Variants in RBFOX1 observed in about 807,000 individuals in gnomAD.
RBFOX1 encodes the protein RNA binding fox-1 homolog 1.
In RBFOX1, 8 loss-of-function variants were observed where a neutral mutation model predicts 57.7. The ratio of observed to expected loss-of-function variants is 0.14; its 90% CI spans 0.08 to 0.25. The LOEUF is 0.25. RBFOX1 is among the 10% of genes least tolerant of loss of function. The probability of loss-of-function intolerance (pLI) is 1.00; values close to 1 mark genes in which losing one functional copy is unlikely to be tolerated. For synonymous variants in RBFOX1, 326 were observed against 222.4 expected, an observed-to-expected ratio of 1.47 and a Z score of -4.15; for missense variants, 611 against 548.5, an observed-to-expected ratio of 1.11 and a Z score of -1.14.
At chr16:7,042,866 C>T (rs943971063) in intron 3 of RBFOX1, among the ~76,000 whole-genome samples, 4 of 152,134 alleles carry the variant, frequency 2.6e-5, no homozygotes, top group African/African-American at 7.2e-5. Flanking sequence ...GTGGAGGTTT[C>T]AGTGAGCTGA....
intron 2 of RBFOX1, among the ~76,000 whole-genome samples, chr16:5,496,228 G>A (rs1428200893): frequency 2.0e-5 from 3 of 152,286 alleles, no homozygotes; most frequent in African/African-American, 4.8e-5. Context: ...TTTCTTGAGT[G>A]CATACTATTC....
At chr16:5,603,751 G>A (rs546318087), downstream of RBFOX1, among the ~76,000 whole-genome samples, 181 of 152,312 alleles carry the variant, frequency 1.2e-3, 1 homozygote, top group Non-Finnish European at 1.9e-3. Context: ...GCAGTCATCT[G>A]TGATCATGTG....
At chr16:7,226,022 C>G (rs1346550604) in intron 4 of RBFOX1, among the ~76,000 whole-genome samples, 1 of 151,816 alleles carries the variant, frequency 6.6e-6, no homozygotes, top group African/African-American at 2.4e-5. Context: ...TCTGTACACT[C>G]TGCTTTTCTT....
rs530295180 is a variant in RBFOX1, at chr16:6,292,400, G to T, written c.-126-24595G>T. On this transcript the variant is annotated intron_variant, in intron 1 of 15. Transcript: ENST00000550418. ...TTTTTTTTTTAAGAAAAACCTAATT[G>T]CATGTGAATTTTTCTCAGACAAAAG... Among the ~76,000 whole-genome samples the T allele has an allele frequency of 1.3e-5, 2 of 149,314 alleles. 1 individual carries two copies. Among genetic ancestry groups the T allele is most frequent in the South Asian group, 4.2e-4 (2 of 4,726 alleles).
rs1008460922 is a variant in RBFOX1, at chr16:5,946,005, C to A, written c.351+78670C>A. On this transcript the variant is annotated intron_variant, in intron 4 of 19. Coordinates refer to the RBFOX1 transcript ENST00000641259. This position sits in a 1 kb window ranked among gnomAD's most constrained non-coding sequence, Gnocchi z 4.6. ...GGGAATGGAACATCCACACCGGCGT[C>A]CACATTGGGTTTAAAAAGAGAAAAG... Among the ~76,000 whole-genome samples the A allele has an allele frequency of 6.6e-6, 1 of 152,176 alleles. No homozygotes were observed. The highest frequency in any genetic ancestry group is 2.4e-5 in the African/African-American group (1 of 41,428).
chr16:6,800,894 T>C (rs549853576), intron 3 of RBFOX1, among the ~76,000 whole-genome samples: 1 of 152,168 alleles, frequency 6.6e-6, no homozygotes, highest in Admixed American at 6.5e-5. Flanking sequence ...TTAATTCACT[T>C]CAAGTGGAAA....
In RBFOX1 at chr16:6,689,879, T is replaced by A. The variant is rs184562620; in HGVS notation, c.-16+35229T>A. On this transcript the variant is annotated intron_variant, in intron 3 of 15. Transcript: ENST00000550418. Reference sequence around the variant, plus strand: ...CATTTGTCTCTGAATGTGGTTTCCTTTTGTTTCATGCTTGTGAGTGTGTGC... The same window carrying A: ...CATTTGTCTCTGAATGTGGTTTCCTATTGTTTCATGCTTGTGAGTGTGTGC... Among the ~76,000 whole-genome samples the A allele has an allele frequency of 1.3e-3, 193 of 152,312 alleles. 2 individuals are homozygous for A. The highest frequency in any genetic ancestry group is 2.9e-3 in the Admixed American group (44 of 15,306).
At chr16:5,777,374 A>C (rs1193627946) in intron 3 of RBFOX1, among the ~76,000 whole-genome samples, 1 of 152,230 alleles carries the variant, frequency 6.6e-6, no homozygotes, top group Non-Finnish European at 1.5e-5. Flanking sequence ...ATTCAGGGAA[A>C]ATACCTCATC....
chr16:7,006,741 C>T (rs528757595), intron 3 of RBFOX1, among the ~76,000 whole-genome samples: 2 of 152,264 alleles, frequency 1.3e-5, no homozygotes, highest in East Asian at 3.9e-4. Context: ...AGCCACCATG[C>T]CTGGCAATTA....
chr16:5,773,557 A>T (rs1007985252), intron 3 of RBFOX1, among the ~76,000 whole-genome samples: 1 of 152,112 alleles, frequency 6.6e-6, no homozygotes, highest in African/African-American at 2.4e-5. Flanking sequence ...GACATTTAGG[A>T]TGTTTTCAGT....
At chr16:6,806,690 T>C (rs1396545043) in intron 3 of RBFOX1, among the ~76,000 whole-genome samples, 1 of 150,964 alleles carries the variant, frequency 6.6e-6, no homozygotes, top group Non-Finnish European at 1.5e-5. Context: ...TTGATATTAA[T>C]GAGGTGATAT....
chr16:6,736,229 C>T (rs1300584162), intron 3 of RBFOX1, among the ~76,000 whole-genome samples: 1 of 152,038 alleles, frequency 6.6e-6, no homozygotes, highest in Non-Finnish European at 1.5e-5. Context: ...TATTTGCATA[C>T]ACGAGTAAGT....
chr16:6,823,005 C>T (rs74615413), intron 3 of RBFOX1, among the ~76,000 whole-genome samples: 4,552 of 152,024 alleles, frequency 0.03, 231 homozygotes, highest in East Asian at 0.16. Context: ...AGATACTTTG[C>T]TTAGTACTGT....
At chr16:7,348,208 A>G (rs1412712638) in intron 4 of RBFOX1, among the ~76,000 whole-genome samples, 3 of 152,252 alleles carry the variant, frequency 2.0e-5, no homozygotes, top group African/African-American at 2.4e-5. Context: ...ACATAGATAC[A>G]TAAACCACAA....
At chr16:7,281,855 CCTTTTATTTTTGTTTT>C (rs1489187892) in intron 4 of RBFOX1, among the ~76,000 whole-genome samples, 8 of 151,932 alleles carry the variant, frequency 5.3e-5, no homozygotes, top group Non-Finnish European at 8.8e-5. Flanking sequence ...CTTTTCTTTT[CCTTTTATTTTTGTTTT>C]CTTTTCCTAG....
At chr16:6,959,459 C>G (rs1435373385) in intron 3 of RBFOX1, among the ~76,000 whole-genome samples, 6 of 152,108 alleles carry the variant, frequency 3.9e-5, no homozygotes, top group Non-Finnish European at 8.8e-5. Flanking sequence ...GGAATAAAAT[C>G]TTGTTTCTAG....
At chr16:5,790,510 GAA>G (rs60645917) in intron 3 of RBFOX1, among the ~76,000 whole-genome samples, 1 of 143,084 alleles carries the variant, frequency 7.0e-6, no homozygotes, top group Non-Finnish European at 1.5e-5. Context: ...ACAATATGCT[GAA>G]AAAAAAAAAA....
intron 3 of RBFOX1, chr16:6,873,826 G>A (rs113241966): frequency 3.3e-5 from 5 of 152,082 alleles, no homozygotes; most frequent in African/African-American, 7.2e-5. Flanking sequence ...TAAGGAAACC[G>A]AGACTTTGAA....
chr16:7,033,209 C>G (rs1358805895), intron 3 of RBFOX1, among the ~76,000 whole-genome samples: 1 of 152,074 alleles, frequency 6.6e-6, no homozygotes, highest in Non-Finnish European at 1.5e-5. Context: ...CCACCCGTGC[C>G]TTACCTCCTC....
Sources: allele counts gnomAD v4.1 joint callset (sites outside exome capture counted in the v4.1 genomes callset), GRCh38; gene constraint gnomAD v4.1.1; non-coding constraint Gnocchi (gnomAD v3.1); transcripts MANE v1.5; gene names NCBI Gene and HGNC (gene_info 2026-07-23, HGNC 2026-07-21).